Variants in CTNND2 observed in about 807,000 individuals in gnomAD.
CTNND2 encodes the protein catenin delta-2.
Under a neutral mutation model 144.4 loss-of-function variants are expected in CTNND2, and 22 were observed. The ratio of observed to expected loss-of-function variants is 0.15; its 90% CI spans 0.11 to 0.22. The LOEUF (loss-of-function observed/expected upper bound fraction) is 0.22, where lower values mean the gene tolerates loss of function less well. Among genes scored for constraint, CTNND2 ranks in the 10% least tolerant of loss-of-function variants. The pLI is 1.00. For synonymous variants in CTNND2, 751 were observed against 695.6 expected, an observed-to-expected ratio of 1.08 and a Z score of -1.25; for missense variants, 1,353 against 1,618.8, an observed-to-expected ratio of 0.84 and a Z score of 2.82.
intron 9 of CTNND2, among the ~76,000 whole-genome samples, chr5:11,240,151 C>G (rs111405057): frequency 1.4e-5 from 2 of 145,768 alleles, no homozygotes; most frequent in Non-Finnish European, 3.0e-5. Context: ...AACACACACA[C>G]ACATTCACAC....
At chr5:11,837,897 T>C (rs972779733) in intron 1 of CTNND2, among the ~76,000 whole-genome samples, 1 of 152,150 alleles carries the variant, frequency 6.6e-6, no homozygotes, top group Non-Finnish European at 1.5e-5. Flanking sequence ...CTGAAAACAA[T>C]CAAATGTATA....
chr5:11,374,950 A>G (rs963793043), intron 7 of CTNND2, among the ~76,000 whole-genome samples: 5 of 152,146 alleles, frequency 3.3e-5, no homozygotes, highest in Non-Finnish European at 7.3e-5. Context: ...TCAAAGGGGT[A>G]CAGATGAACT....
chr5:11,095,096 T>C (rs988944060), intron 15 of CTNND2, among the ~76,000 whole-genome samples: 1 of 152,218 alleles, frequency 6.6e-6, no homozygotes, highest in South Asian at 2.1e-4. Flanking sequence ...ACTCTTAAAA[T>C]ATAAAAATAG....
At chr5:11,615,965 A>G (rs758787183) in intron 2 of CTNND2, among the ~76,000 whole-genome samples, 2 of 152,240 alleles carry the variant, frequency 1.3e-5, no homozygotes, top group Non-Finnish European at 2.9e-5. Context: ...CTCTATCTCC[A>G]TGATGGCCAA....
chr5:11,614,517 A>T (rs1294455301), intron 2 of CTNND2, among the ~76,000 whole-genome samples: 1 of 152,236 alleles, frequency 6.6e-6, no homozygotes, highest in Non-Finnish European at 1.5e-5. Flanking sequence ...ATTAAGATGA[A>T]TTTTAACTCT....
intron 9 of CTNND2, among the ~76,000 whole-genome samples, chr5:11,240,411 AAC>A (rs1455476538): frequency 2.1e-4 from 12 of 56,360 alleles, no homozygotes; most frequent in East Asian, 1.5e-3. Context: ...ACACACCCAC[AAC>A]ACACACTGAC....
At chr5:11,613,343 T>A (rs977313729) in intron 2 of CTNND2, among the ~76,000 whole-genome samples, 1 of 152,204 alleles carries the variant, frequency 6.6e-6, no homozygotes, top group African/African-American at 2.4e-5. Context: ...ATTAAAATAA[T>A]CTTTTTAAAG....
At chr5:11,761,602 T>C (rs1261524938) in intron 1 of CTNND2, among the ~76,000 whole-genome samples, 1 of 152,210 alleles carries the variant, frequency 6.6e-6, no homozygotes, top group Non-Finnish European at 1.5e-5. Context: ...GAATTTATTG[T>C]ATTTAAATTT....
At chr5:11,304,805 C>A (rs369370267) in intron 9 of CTNND2, among the ~76,000 whole-genome samples, 41 of 152,312 alleles carry the variant, frequency 2.7e-4, no homozygotes, top group African/African-American at 9.6e-4. Flanking sequence ...TCCTCCTTTT[C>A]CAACATGTTT....
At chr5:11,732,062 C>T in intron 2 of CTNND2, 74 bp downstream of exon 2, 1 of 1,451,886 alleles carries the variant, frequency 6.9e-7, no homozygotes, top group Admixed American at 1.8e-5. Flanking sequence ...ATAATTTAAT[C>T]TTTAACGTTC....
intron 9 of CTNND2, among the ~76,000 whole-genome samples, chr5:11,296,284 T>C (rs1748984369): frequency 6.6e-6 from 1 of 151,998 alleles, no homozygotes; most frequent in African/African-American, 2.4e-5. Context: ...CACAATGAGA[T>C]ACCATCTCAC....
chr5:11,036,931 C>T (rs757908462), intron 16 of CTNND2, among the ~76,000 whole-genome samples: 1 of 152,156 alleles, frequency 6.6e-6, no homozygotes, highest in Non-Finnish European at 1.5e-5. Context: ...AAATGAAAAG[C>T]TCAACCACCA....
Position 11,717,360 on chromosome 5 carries a change from A to G in CTNND2, c.174+14776T>C, listed in dbSNP as rs1209030667. On this transcript the variant is annotated intron_variant, in intron 2 of 21. Transcript: ENST00000304623. ...AGGCTGAGGCAGGTGGATCACCTGA[A>G]GTCAAGACTTGGAGACCAGCCTGGC... is the stretch of plus-strand genomic sequence containing the variant. Among the ~76,000 whole-genome samples, 3 of 151,634 alleles carry G rather than the reference A, an allele frequency of 2.0e-5. No individual in the cohort carries two copies. The South Asian group carries it at 6.3e-4, about 32-fold the overall frequency.
At chr5:11,028,214 G>A (rs1169445295) in intron 16 of CTNND2, among the ~76,000 whole-genome samples, 3 of 152,046 alleles carry the variant, frequency 2.0e-5, no homozygotes, top group African/African-American at 7.2e-5. Flanking sequence ...TTTCCAGAAG[G>A]TCAGCTGGAC....
In CTNND2 at chr5:11,746,291, C is replaced by T. The variant is rs115560413; in HGVS notation, c.38-14019G>A. 3.5e-3 allele frequency among the ~76,000 whole-genome samples: 539 copies of T among 152,280 alleles called. 4 individuals carry two copies. The highest frequency in any genetic ancestry group is 0.012 in the African/African-American group (503 of 41,564). On this transcript the variant is annotated intron_variant, in intron 1 of 21. Transcript: ENST00000304623. Reference sequence around the variant, plus strand: ...TTACCATCACCAAGACTTTTGTTGGCTGCCAAACTCCCTTTCTCTTTTCAC... The same window carrying T: ...TTACCATCACCAAGACTTTTGTTGGTTGCCAAACTCCCTTTCTCTTTTCAC...
intron 16 of CTNND2, among the ~76,000 whole-genome samples, chr5:11,070,318 A>T (rs1013025617): frequency 2.0e-5 from 3 of 152,224 alleles, no homozygotes; most frequent in Admixed American, 2.0e-4. Flanking sequence ...ATACAATATC[A>T]GACAGGAAGG....
intron 1 of CTNND2, among the ~76,000 whole-genome samples, chr5:11,866,060 T>C (rs1795755412): frequency 6.6e-6 from 1 of 152,062 alleles, no homozygotes; most frequent in Non-Finnish European, 1.5e-5. Context: ...CCCAACACTA[T>C]GGGAGGCCAA....
chr5:11,682,376 C>T (rs894423957), intron 2 of CTNND2, among the ~76,000 whole-genome samples: 1 of 152,174 alleles, frequency 6.6e-6, no homozygotes, highest in Admixed American at 6.5e-5. Context: ...ATTCCACAGG[C>T]GTTCCAAACA....
chr5:11,481,432 C>T (rs187417987), intron 3 of CTNND2, among the ~76,000 whole-genome samples: 2 of 151,976 alleles, frequency 1.3e-5, no homozygotes, highest in East Asian at 1.9e-4. Flanking sequence ...GGCAACATGG[C>T]GAAATCTGTC....
Sources: gnomAD v4.1 joint callset for allele counts (sites outside exome capture counted in the v4.1 genomes callset) on GRCh38, gnomAD v4.1.1 for gene constraint, MANE v1.5 for transcripts, NCBI Gene and HGNC (gene_info 2026-07-23, HGNC 2026-07-21) for gene names.